Variants in MAPKAP1 observed in about 807,000 individuals in gnomAD.
MAPKAP1 encodes the protein MAPK associated protein 1, also known as target of rapamycin complex 2 subunit MAPKAP1.
A neutral mutation model predicts 65.7 loss-of-function variants in MAPKAP1; 20 were observed. The ratio of observed to expected loss-of-function variants is 0.30; its 90% CI spans 0.21 to 0.44. The LOEUF is 0.44. Ranked by LOEUF, MAPKAP1 falls within the 20% of genes least tolerant of loss-of-function variation. MAPKAP1 has a pLI of 1.00. For missense variants in MAPKAP1, 423 were observed against 648.0 expected (o/e 0.65, Z 3.77); for synonymous variants, 222 against 244.3 (o/e 0.91, Z 0.85).
intron 5 of MAPKAP1, among the ~76,000 whole-genome samples, chr9:125,561,571 A>C (rs1005476117): frequency 6.6e-6 from 1 of 152,166 alleles, no homozygotes; most frequent in Non-Finnish European, 1.5e-5. Flanking sequence ...GAACAATTAG[A>C]GAGGCAAAAG....
At chr9:125,504,630 A>AAATAAAT (rs1256994716) in intron 8 of MAPKAP1, among the ~76,000 whole-genome samples, 5 of 152,090 alleles carry the variant, frequency 3.3e-5, no homozygotes, top group Non-Finnish European at 5.9e-5. Flanking sequence ...AAAAAATAAA[A>AAATAAAT]ATAAAAATAA....
At chr9:125,608,921 A>T (rs1300379891) in intron 4 of MAPKAP1, among the ~76,000 whole-genome samples, 1 of 152,244 alleles carries the variant, frequency 6.6e-6, no homozygotes, top group Non-Finnish European at 1.5e-5. Flanking sequence ...CATGCAAAAA[A>T]ATAGAGAGCA....
At position 125,478,637 on chromosome 9, in the gene MAPKAP1, GA is replaced by G. The variant is rs547348110; in HGVS notation, c.1207+5805del. ...GAGCCATCCTGCCCAGTCTGGGGGT[GA>G]ATTATTAATGACACCTGTGGATTGG... On this transcript the variant is annotated intron_variant, in intron 9 of 11. Transcript: ENST00000265960. Among the ~76,000 whole-genome samples the G allele has an allele frequency of 2.5e-3, 376 of 152,280 alleles. 2 individuals carry two copies. The highest frequency in any genetic ancestry group is 8.3e-3 in the African/African-American group (346 of 41,562).
At chr9:125,705,686 G>C (rs147707953) in intron 1 of MAPKAP1, among the ~76,000 whole-genome samples, 1 of 152,112 alleles carries the variant, frequency 6.6e-6, no homozygotes, top group South Asian at 2.1e-4. Context: ...AGCGCTTATA[G>C]AATTCTAGAG....
At chr9:125,585,832 A>G in intron 4 of MAPKAP1, 105 bp from the exon 5 acceptor site, 2 of 1,097,528 alleles carry the variant, frequency 1.8e-6, no homozygotes, top group East Asian at 2.4e-5. Context: ...TCCTTGCTCT[A>G]CAGACCTACT....
chr9:125,673,081 C>T (rs114093318), intron 1 of MAPKAP1, among the ~76,000 whole-genome samples: 1,636 of 152,324 alleles, frequency 0.011, 34 homozygotes, highest in African/African-American at 0.037. Context: ...CATTTCCCCT[C>T]CTGTCATATG....
chr9:125,543,031 C>A, intron 7 of MAPKAP1, 28 bp downstream of exon 7: 1 of 1,429,486 alleles, frequency 7.0e-7, no homozygotes, highest in Non-Finnish European at 9.9e-7. Flanking sequence ...GCTTCTACTA[C>A]TGTGAGAATA....
intron 4 of MAPKAP1, among the ~76,000 whole-genome samples, chr9:125,646,067 C>T (rs1833717836): frequency 2.0e-5 from 3 of 152,136 alleles, no homozygotes; most frequent in South Asian, 4.1e-4. Context: ...TCAAATATTA[C>T]ATCAACTGTA....
intron 1 of MAPKAP1, among the ~76,000 whole-genome samples, chr9:125,683,442 C>T (rs766008565): frequency 9.2e-5 from 14 of 152,152 alleles, no homozygotes; most frequent in Non-Finnish European, 8.8e-5. Flanking sequence ...GATCTTCTTG[C>T]CGGCCTTGAA....
At chr9:125,497,279 T>C (rs1828835679) in intron 8 of MAPKAP1, among the ~76,000 whole-genome samples, 1 of 152,170 alleles carries the variant, frequency 6.6e-6, no homozygotes, top group Admixed American at 6.5e-5. Flanking sequence ...AGTGCTGAAA[T>C]AATGGATGAA....
At chr9:125,618,509 T>C (rs769094136) in intron 4 of MAPKAP1, among the ~76,000 whole-genome samples, 21 of 152,080 alleles carry the variant, frequency 1.4e-4, no homozygotes, top group Non-Finnish European at 2.6e-4. Context: ...CTAATTCAAA[T>C]GTTGGTCTAT....
intron 4 of MAPKAP1, among the ~76,000 whole-genome samples, chr9:125,633,910 T>C (rs929264765): frequency 6.6e-6 from 1 of 152,198 alleles, no homozygotes; most frequent in Non-Finnish European, 1.5e-5. Flanking sequence ...ATTCAAAGAG[T>C]GGCAATGGTT....
intron 10 of MAPKAP1, among the ~76,000 whole-genome samples, chr9:125,445,294 CT>C (rs1232401472): frequency 6.6e-6 from 1 of 152,216 alleles, no homozygotes; most frequent in Non-Finnish European, 1.5e-5. Flanking sequence ...GGACTGCTTC[CT>C]GGTCTAGCCT....
intron 3 of MAPKAP1, among the ~76,000 whole-genome samples, chr9:125,661,574 T>C (rs1022004478): frequency 2.6e-5 from 4 of 152,180 alleles, no homozygotes; most frequent in Non-Finnish European, 4.4e-5. Flanking sequence ...ACAGTATGTA[T>C]AGTATGCTAT....
At chr9:125,662,538 C>T (rs1834217070) in intron 3 of MAPKAP1, among the ~76,000 whole-genome samples, 1 of 152,086 alleles carries the variant, frequency 6.6e-6, no homozygotes. Flanking sequence ...ACAAAATTAG[C>T]TGGGTGTGGT....
chr9:125,632,541 C>G (rs1368010855), intron 4 of MAPKAP1, among the ~76,000 whole-genome samples: 11 of 152,198 alleles, frequency 7.2e-5, no homozygotes, highest in African/African-American at 2.7e-4. Flanking sequence ...TCCTCTTCCC[C>G]TTTTCCACTG....
chr9:125,545,480 G>A (rs184755670), intron 6 of MAPKAP1, among the ~76,000 whole-genome samples: 8 of 152,326 alleles, frequency 5.3e-5, no homozygotes, highest in Non-Finnish European at 1.0e-4. Context: ...GGGCCTAAAA[G>A]AGAACACAAG....
At chr9:125,573,937 T>C (rs572030572) in intron 5 of MAPKAP1, among the ~76,000 whole-genome samples, 53 of 152,348 alleles carry the variant, frequency 3.5e-4, no homozygotes, top group African/African-American at 1.3e-3. Context: ...TTAATTATTT[T>C]AGTTATTTGC....
intron 1 of MAPKAP1, among the ~76,000 whole-genome samples, chr9:125,687,124 C>CTT (rs528933268): frequency 6.0e-5 from 8 of 133,320 alleles, no homozygotes; most frequent in Admixed American, 1.5e-4. Flanking sequence ...CCATGCCCAT[C>CTT]TTTTTTTTTT....
Sources: allele counts gnomAD v4.1 joint callset (sites outside exome capture counted in the v4.1 genomes callset), GRCh38; gene constraint gnomAD v4.1.1; transcripts MANE v1.5; gene names NCBI Gene and HGNC (gene_info 2026-07-23, HGNC 2026-07-21).